NDOR1: variants seen among roughly 807,000 people sequenced by gnomAD.
The protein encoded by NDOR1 is NADPH dependent diflavin oxidoreductase 1, also known as NADPH-dependent diflavin oxidoreductase 1.
In NDOR1, 61 loss-of-function variants were observed where a neutral mutation model predicts 67.2. The observed-to-expected ratio is 0.91, with a 90% CI of 0.74 to 1.12. NDOR1 has a LOEUF of 1.12. Among genes scored for constraint, NDOR1 ranks in the 50% most tolerant of loss-of-function variants. NDOR1 has a pLI of 0.00. For synonymous variants in NDOR1, 378 were observed against 343.7 expected, an observed-to-expected ratio of 1.10 and a Z score of -1.10; for missense variants, 878 against 802.8, an observed-to-expected ratio of 1.09 and a Z score of -1.13.
At position 137,215,739 on chromosome 9, in the gene NDOR1, G is replaced by A. The variant is rs771570103; in HGVS notation, c.1369G>A (p.Gly457Arg). 7 of 1,603,380 alleles carry A rather than the reference G, an allele frequency of 4.4e-6. No individual in the cohort carries two copies. The highest frequency in any genetic ancestry group is 6.0e-6 in the Non-Finnish European group (7 of 1,173,914). ...ETPDTPVIMV[G>R]PGTGVAPFRA... ...ACCAGACACACCTGTGATCATGGTG[G>A]GGCCTGGCACTGGGGTAGCCCCCTT... The change falls in exon 11 of 14, where the codon GGG (glycine) becomes AGG (arginine). Residue 457 changes from glycine (G) to arginine (R), a missense_variant. Coordinates refer to ENST00000684003, the MANE Select transcript of NDOR1 (RefSeq NM_014434.4).
chr9:137,213,029 G>A (rs569799976), intron 3 of NDOR1, among the ~76,000 whole-genome samples: 1 of 152,310 alleles, frequency 6.6e-6, no homozygotes, highest in East Asian at 1.9e-4. Context: ...GTGTGCAAAT[G>A]GCATCTTTAG....
Position 137,212,410 on chromosome 9 carries a change from C to G in NDOR1, c.214-92C>G, listed in dbSNP as rs771940528. On this transcript the variant is annotated intron_variant, in intron 2 of 13. Coordinates refer to ENST00000684003, the MANE Select transcript of NDOR1 (RefSeq NM_014434.4). The surrounding 1 kb of genome is among the most constrained non-coding windows in gnomAD (Gnocchi z 4.3). Reference sequence around the variant, plus strand: ...TGTATTCTGCCCCCATCCTACCCACCTGCCTGTTCCCCTGAGACCCTCCCC... The same window carrying G: ...TGTATTCTGCCCCCATCCTACCCACGTGCCTGTTCCCCTGAGACCCTCCCC... 1.8e-6 allele frequency: 2 copies of G among 1,128,908 alleles called. No individual in the cohort carries two copies. Among genetic ancestry groups the G allele is most frequent in the Non-Finnish European group, 2.7e-6 (2 of 746,042 alleles). The allele number at this position is 1,128,908 out of a possible 1,614,324, so 69.9% of individuals were successfully genotyped here.
Position 137,216,353 on chromosome 9 carries a change from C to T in NDOR1, c.1731C>T (p.Asp577=), listed in dbSNP as rs143516871. Residue 577 remains aspartate, a synonymous_variant, in exon 14 of 14, where the codon GAC becomes GAT. Coordinates refer to ENST00000684003, the MANE Select transcript of NDOR1 (RefSeq NM_014434.4). ...FQEEGGLCSP[D]AAAYLARLQQ... is the part of the protein sequence containing the mutation. Reference sequence around the variant, plus strand: ...AGGAGGGTGGACTCTGCAGCCCGGACGCAGCCGCGTATCTAGCCAGGCTCC... The same window carrying T: ...AGGAGGGTGGACTCTGCAGCCCGGATGCAGCCGCGTATCTAGCCAGGCTCC... 82 of 1,609,400 alleles carry T rather than the reference C, an allele frequency of 5.1e-5. No homozygotes were observed. The highest frequency in any genetic ancestry group is 6.5e-5 in the Non-Finnish European group (77 of 1,179,958).
intron 3 of NDOR1, among the ~76,000 whole-genome samples, chr9:137,213,136 T>C (rs1026319305): frequency 6.6e-6 from 1 of 151,354 alleles, no homozygotes; most frequent in African/African-American, 2.4e-5. Flanking sequence ...TGTCAGTCAT[T>C]TCAGATGAAA....
In NDOR1 at chr9:137,214,941, C is replaced by T; in HGVS notation, c.988C>T (p.Leu330=). ...LSLHELEREK[L]LEFSSAQGQE... The stretch of plus-strand genomic sequence containing the variant: ...CCTCCATGAGCTGGAGCGGGAGAAG[C>T]TGCTGGAGTTCAGTTCTGCCCAAGG... The change falls in exon 8 of 14, where the codon CTG becomes TTG. Residue 330 remains leucine (L), a synonymous_variant. Transcript: ENST00000684003. 6.2e-7 allele frequency: 1 copy of T among 1,613,508 alleles called. No individual in the cohort carries two copies. The highest frequency in any genetic ancestry group is 8.5e-7 in the Non-Finnish European group (1 of 1,180,038).
intron 10 of NDOR1, 27 bp from the exon 11 acceptor site, chr9:137,215,632 C>T (rs960052068): frequency 1.9e-6 from 3 of 1,581,956 alleles, no homozygotes; most frequent in African/African-American, 1.4e-5. Context: ...CTTTGATCCT[C>T]TTCATGCCAC....
chr9:137,215,638 G>A, intron 10 of NDOR1, 21 bp from the exon 11 acceptor site: 1 of 1,579,124 alleles, frequency 6.3e-7, no homozygotes, highest in South Asian at 1.2e-5. Context: ...TCCTCTTCAT[G>A]CCACCTCCTT....
Position 137,212,485 on chromosome 9 carries a change from G to T in NDOR1, c.214-17G>T. On this transcript the variant is annotated splice_polypyrimidine_tract_variant and intron_variant, in intron 2 of 13. Transcript: ENST00000684003. This position sits in a 1 kb window ranked among gnomAD's most constrained non-coding sequence, Gnocchi z 4.3. ...TAGAGGTCGAGGACTCTGACTCAGA[G>T]TTTCCTCCGGCTGTAGAACTTCTGG... 3.7e-6 allele frequency: 6 copies of T among 1,611,658 alleles called. No individual in the cohort carries two copies. Among genetic ancestry groups the T allele is most frequent in the Non-Finnish European group, 5.1e-6 (6 of 1,177,746 alleles).
At chr9:137,213,206 GTGACGTAGGTCCGTGCA>G (rs755570824) in intron 3 of NDOR1, among the ~76,000 whole-genome samples, 2 of 151,680 alleles carry the variant, frequency 1.3e-5, no homozygotes, top group Admixed American at 6.6e-5. Context: ...TGTTCCGTGC[GTGACGTAGGTCCGTGCA>G]TGACGTTGTT....
Position 137,212,168 on chromosome 9 carries a change from T to G in NDOR1, c.214-334T>G, listed in dbSNP as rs1835292458. On this transcript the variant is annotated intron_variant, in intron 2 of 13. Coordinates refer to ENST00000684003, the MANE Select transcript of NDOR1 (RefSeq NM_014434.4). This position sits in a 1 kb window ranked among gnomAD's most constrained non-coding sequence, Gnocchi z 4.3. ...GGCGGTGGACAGTTTGGAGACCAAG[T>G]GCAGAGCTGCTCCTGGCAGCTCAGA... 6.6e-6 allele frequency among the ~76,000 whole-genome samples: 1 copy of G among 151,928 alleles called. No homozygotes were observed. The highest frequency in any genetic ancestry group is 1.5e-5 in the Non-Finnish European group (1 of 67,930).
At position 137,216,479 on chromosome 9, in the gene NDOR1, C is replaced by T. The variant is rs1169635106; in HGVS notation, c.*63C>T. 1.9e-5 allele frequency: 29 copies of T among 1,546,322 alleles called. No homozygotes were observed. The highest frequency in any genetic ancestry group is 2.2e-4 in the Middle Eastern group (1 of 4,624). On this transcript the variant is annotated 3_prime_UTR_variant, in exon 14 of 14. Coordinates refer to ENST00000684003, the MANE Select transcript of NDOR1 (RefSeq NM_014434.4). ...TCCTGGGAGCCCAGGAAGGCATCCA[C>T]GAGGGAGCTCCTGGCCAGCAGCCGT...
chr9:137,212,236 C>T lies in NDOR1; in HGVS notation c.214-266C>T, dbSNP rs1355221083. Among the ~76,000 whole-genome samples the T allele has an allele frequency of 1.3e-5, 2 of 152,164 alleles. No individual in the cohort carries two copies. The highest frequency in any genetic ancestry group is 4.8e-5 in the African/African-American group (2 of 41,424). Reference sequence around the variant, plus strand: ...GTGATGTCCCAGGAAGGAAGCTCCACGCAGGCCTGTAGAGCACAGCAGGGT... The same window carrying T: ...GTGATGTCCCAGGAAGGAAGCTCCATGCAGGCCTGTAGAGCACAGCAGGGT... On this transcript the variant is annotated intron_variant, in intron 2 of 13. Transcript: ENST00000684003. The surrounding 1 kb of genome is among the most constrained non-coding windows in gnomAD (Gnocchi z 4.3).
intron 2 of NDOR1, among the ~76,000 whole-genome samples, chr9:137,206,942 A>G (rs190552027): frequency 6.6e-6 from 1 of 152,296 alleles, no homozygotes; most frequent in Admixed American, 6.5e-5. Flanking sequence ...CAGTCAGCGC[A>G]GAGGAAAAAG....
intron 2 of NDOR1, among the ~76,000 whole-genome samples, chr9:137,210,871 C>T (rs778487183): frequency 8.5e-5 from 13 of 152,102 alleles, no homozygotes; most frequent in Non-Finnish European, 1.6e-4. Flanking sequence ...CCGGGCACGA[C>T]GGCTCACGCC....
rs763416153 is a variant in NDOR1 at position 137,205,908 on chromosome 9, C to A, written c.131C>A (p.Pro44Gln). Residue 44 changes from proline to glutamine, a missense_variant, in exon 1 of 14, where the codon CCG becomes CAG. By Grantham distance (76) the Pro-to-Gln change is moderately conservative (BLOSUM62 -1). Coordinates refer to ENST00000684003, the MANE Select transcript of NDOR1 (RefSeq NM_014434.4). Reference protein sequence around the residue: ...GCRVQALDSYPVVNLINEPLV... With the variant: ...GCRVQALDSYQVVNLINEPLV... ...CGGGTGCAGGCCCTGGACTCCTACC[C>A]GGTGGTGAGGGCTCGCTAGGGCCTC... 2 of 1,590,456 alleles carry A rather than the reference C, an allele frequency of 1.3e-6. No homozygotes were observed. Among genetic ancestry groups the A allele is most frequent in the African/African-American group, 1.3e-5 (1 of 74,620 alleles).
chr9:137,214,365 T>C lies in NDOR1; in HGVS notation c.674T>C (p.Phe225Ser), dbSNP rs1416041654. The C allele has an allele frequency of 1.2e-6, 2 of 1,614,100 alleles. No homozygotes were observed. Among genetic ancestry groups the C allele is most frequent in the Admixed American group, 3.3e-5 (2 of 60,026 alleles). Residue 225 changes from phenylalanine (F) to serine (S), a missense_variant, in exon 6 of 14, where the codon TTC (phenylalanine) becomes TCC (serine). By Grantham distance (155) the Phe-to-Ser change is radical. Transcript: ENST00000684003. Reference protein sequence around the residue: ...SNQRVTGPSHFQDVRLIEFDI... With the variant: ...SNQRVTGPSHSQDVRLIEFDI... ...CAGAGAGTCACCGGCCCCTCCCACT[T>C]CCAGGACGTTCGGCTGATTGAGTTT...
At position 137,214,706 on chromosome 9, in the gene NDOR1, G is replaced by C; in HGVS notation, c.844+15G>C. 6.2e-7 allele frequency: 1 copy of C among 1,600,834 alleles called. No homozygotes were observed. The highest frequency in any genetic ancestry group is 8.5e-7 in the Non-Finnish European group (1 of 1,179,586). ...GCGGGAGCCAGGTGAGCCCAGCCTCGGCCACCCTGACTCTCTGCCCTCTCC... is the reference window on the plus strand; with the variant it reads ...GCGGGAGCCAGGTGAGCCCAGCCTCCGCCACCCTGACTCTCTGCCCTCTCC... On this transcript the variant is annotated intron_variant, in intron 7 of 13. Coordinates refer to ENST00000684003, the MANE Select transcript of NDOR1 (RefSeq NM_014434.4).
intron 9 of NDOR1, 41 bp from the exon 10 acceptor site, chr9:137,215,366 G>A (rs777008170): frequency 1.3e-5 from 20 of 1,595,160 alleles, no homozygotes; most frequent in South Asian, 3.3e-5. Context: ...ACAGGTGAGG[G>A]CAGCCTTGTT....
chr9:137,218,525 C>G lies in NDOR1; in HGVS notation c.*2109C>G, dbSNP rs946838937. 5.0e-6 allele frequency: 2 copies of G among 401,096 alleles called. No individual in the cohort carries two copies. Among genetic ancestry groups the G allele is most frequent in the Non-Finnish European group, 8.8e-6 (2 of 228,238 alleles). 24.8% of individuals were successfully genotyped at this position (401,096 alleles called of 1,614,324 possible). ...GCTGAGCCTGCTGGCCCTTGAGCTT[C>G]TGGGGCTGCTGCTGGTCTTCACGCC... On this transcript the variant is annotated 3_prime_UTR_variant, in exon 14 of 14. Transcript: ENST00000684003.
Sources: allele counts gnomAD v4.1 joint callset (sites outside exome capture counted in the v4.1 genomes callset), GRCh38; gene constraint gnomAD v4.1.1; non-coding constraint Gnocchi (gnomAD v3.1); transcripts MANE v1.5; gene names NCBI Gene and HGNC (gene_info 2026-07-23, HGNC 2026-07-21).